Variants in MAGED1 observed in about 807,000 individuals in gnomAD.
The protein encoded by MAGED1 is MAGE family member D1, also known as melanoma-associated antigen D1.
In MAGED1, 3 loss-of-function variants were observed where a neutral mutation model predicts 54.1. That is an observed-to-expected ratio of 0.06 (90% confidence interval 0.03 to 0.14). The LOEUF (loss-of-function observed/expected upper bound fraction) is 0.14. MAGED1 is among the 10% of genes least tolerant of loss of function. The probability of loss-of-function intolerance (pLI) is 1.00; values close to 1 mark genes in which losing one functional copy is unlikely to be tolerated. For missense variants in MAGED1, 485 were observed against 623.4 expected (o/e 0.78, Z 2.36); for synonymous variants, 217 against 227.3 (o/e 0.95, Z 0.41).
chrX:51,843,269 G>A (rs1169715190), intron 1 of MAGED1, among the ~76,000 whole-genome samples: 1 of 111,731 alleles, frequency 9.0e-6, no homozygotes, highest in Non-Finnish European at 1.9e-5. Flanking sequence ...GAACTTGTCA[G>A]TATGTTAATT....
chrX:51,827,343 A>G (rs1433448013), intron 1 of MAGED1, among the ~76,000 whole-genome samples: 2 of 112,180 alleles, frequency 1.8e-5, no homozygotes, highest in African/African-American at 6.5e-5. Context: ...AGGCAAAACT[A>G]TGGAGACAGT....
At chrX:51,876,330 C>T (rs1209215266) in intron 1 of MAGED1, among the ~76,000 whole-genome samples, 1 of 109,334 alleles carries the variant, frequency 9.1e-6, no homozygotes, top group Non-Finnish European at 1.9e-5. Context: ...CATACTGAAG[C>T]CATAGAAATG....
chrX:51,894,234 C>A, intron 1 of MAGED1, 35 bp from the exon 2 acceptor site: 1 of 884,716 alleles, frequency 1.1e-6, no homozygotes, highest in Non-Finnish European at 1.6e-6. Context: ...TCGTATTTGC[C>A]CTCTGTAGTA....
At chrX:51,873,267 G>GA (rs1356339212) in intron 1 of MAGED1, among the ~76,000 whole-genome samples, 2 of 110,084 alleles carry the variant, frequency 1.8e-5, no homozygotes, top group African/African-American at 3.3e-5. Context: ...CAGGGTAAGG[G>GA]AAAATGACTC....
chrX:51,888,116 G>A (rs1928304542), intron 1 of MAGED1, among the ~76,000 whole-genome samples: 1 of 111,684 alleles, frequency 9.0e-6, no homozygotes, highest in Admixed American at 9.5e-5. Flanking sequence ...ACAATAGGGT[G>A]ACTATAGTTA....
chrX:51,872,170 A>C (rs1304594139), intron 1 of MAGED1, among the ~76,000 whole-genome samples: 1 of 111,284 alleles, frequency 9.0e-6, no homozygotes, highest in Admixed American at 9.5e-5. Context: ...TAGATTCTGG[A>C]TATTAGCCCT....
intron 1 of MAGED1, among the ~76,000 whole-genome samples, chrX:51,877,145 A>G (rs1927898385): frequency 9.0e-6 from 1 of 110,848 alleles, no homozygotes; most frequent in Admixed American, 9.7e-5. Flanking sequence ...TTCCTAGATC[A>G]GGAATTCATA....
In MAGED1 at chrX:51,901,670, C is replaced by T. The variant is rs1557364973; in HGVS notation, c.2077C>T (p.Arg693Cys). 5.0e-6 allele frequency: 6 copies of T among 1,211,471 alleles called. No homozygotes were observed. Among genetic ancestry groups the T allele is most frequent in the Non-Finnish European group, 5.6e-6 (5 of 895,441 alleles). The change falls in exon 12 of 13, where the codon CGC (arginine) becomes TGC (cysteine). Residue 693 changes from arginine to cysteine, a missense_variant. Arg to Cys is a radical substitution (Grantham distance 180). Coordinates refer to ENST00000326587, the MANE Select transcript of MAGED1 (RefSeq NM_006986.4). ...EAEARAEART[R>C]MGIGDEAVSG... ...CGAAGCCCGGGCTGAAGCAAGAACC[C>T]GCATGGGAATTGGAGATGAGGCTGT...
intron 1 of MAGED1, among the ~76,000 whole-genome samples, chrX:51,852,644 C>T (rs1045271964): frequency 1.8e-5 from 2 of 111,901 alleles, no homozygotes; most frequent in South Asian, 3.8e-4. Context: ...ACAAGATTTA[C>T]ATTCTTGTTA....
In MAGED1 at chrX:51,897,582, G is replaced by A. The variant is rs1569556057; in HGVS notation, c.1522G>A (p.Val508Ile). ...LRDIIREYTDVYPEIIERACF... is the reference protein window; with the variant it reads ...LRDIIREYTDIYPEIIERACF... ...AGATATCATCCGTGAATACACTGAT[G>A]TTTATCCAGAAATCATTGAACGTGC... is the stretch of plus-strand genomic sequence containing the variant. Residue 508 changes from valine (V) to isoleucine (I), a missense_variant, in exon 6 of 13, where the codon GTT (valine) becomes ATT (isoleucine). Around this residue, in one of 2 missense-constraint regions of MAGED1, gnomAD observed 186 missense variants for 330.3 expected, o/e 0.56. Transcript: ENST00000326587. 1 of 1,206,227 alleles carries A rather than the reference G, an allele frequency of 8.3e-7. No homozygotes were observed. Among genetic ancestry groups the A allele is most frequent in the African/African-American group, 1.8e-5 (1 of 56,291 alleles).
intron 1 of MAGED1, among the ~76,000 whole-genome samples, chrX:51,868,139 A>G (rs189277313): frequency 1.3e-4 from 15 of 112,447 alleles, no homozygotes; most frequent in Admixed American, 2.8e-4. Context: ...AACATCAAAC[A>G]TTGTACCTTT....
intron 1 of MAGED1, among the ~76,000 whole-genome samples, chrX:51,829,221 A>G (rs1557357182): frequency 9.0e-6 from 1 of 111,717 alleles, no homozygotes; most frequent in East Asian, 2.8e-4. Context: ...AATAGTGTCA[A>G]ATGTGGCGAG....
At chrX:51,879,999 C>T (rs1438643284) in intron 1 of MAGED1, among the ~76,000 whole-genome samples, 1 of 112,536 alleles carries the variant, frequency 8.9e-6, no homozygotes, top group Non-Finnish European at 1.9e-5. Context: ...GTTCTTTTGT[C>T]TCACCTTCTG....
At chrX:51,824,234 T>C (rs1925746186) in intron 1 of MAGED1, among the ~76,000 whole-genome samples, 1 of 111,472 alleles carries the variant, frequency 9.0e-6, no homozygotes, top group Non-Finnish European at 1.9e-5. Flanking sequence ...GTTTTGTTTA[T>C]CTGATAATGT....
intron 1 of MAGED1, among the ~76,000 whole-genome samples, chrX:51,824,038 A>G (rs1175280128): frequency 1.8e-5 from 2 of 111,810 alleles, no homozygotes; most frequent in African/African-American, 6.5e-5. Flanking sequence ...AGGAATTGCA[A>G]ATTTTAAAAA....
At chrX:51,819,157 C>G (rs1325645565) in intron 1 of MAGED1, among the ~76,000 whole-genome samples, 5 of 109,507 alleles carry the variant, frequency 4.6e-5, no homozygotes, top group Non-Finnish European at 9.5e-5. Context: ...AGTTTGCTGA[C>G]TTTTTTTTTA....
intron 1 of MAGED1, among the ~76,000 whole-genome samples, chrX:51,882,862 T>G (rs1314501922): frequency 9.0e-6 from 1 of 110,914 alleles, no homozygotes; most frequent in Non-Finnish European, 1.9e-5. Flanking sequence ...GGCTAATTTT[T>G]GTATTTTTAG....
chrX:51,841,169 A>G (rs1926460287), intron 1 of MAGED1, among the ~76,000 whole-genome samples: 1 of 108,502 alleles, frequency 9.2e-6, no homozygotes, highest in South Asian at 4.2e-4. Context: ...TTTGATTTGC[A>G]TTTCTCTGAT....
chrX:51,873,010 A>G (rs781999088), intron 1 of MAGED1, among the ~76,000 whole-genome samples: 1 of 110,189 alleles, frequency 9.1e-6, no homozygotes, highest in East Asian at 2.8e-4. Flanking sequence ...TTGGCTGTAC[A>G]CTGTTGCTCA....
Sources: gnomAD v4.1 joint callset for allele counts (sites outside exome capture counted in the v4.1 genomes callset) on GRCh38, gnomAD v4.1.1 for gene constraint, gnomAD v4.1.1 regional missense constraint, MANE v1.5 for transcripts, NCBI Gene and HGNC (gene_info 2026-07-23, HGNC 2026-07-21) for gene names.